Variants in COL4A4 observed in about 807,000 individuals in gnomAD.
The protein encoded by COL4A4 is collagen alpha-4(IV) chain.
A neutral mutation model predicts 192.9 loss-of-function variants in COL4A4; 105 were observed. The observed-to-expected ratio is 0.54, with a 90% CI of 0.46 to 0.64. The LOEUF is 0.64. COL4A4 is among the 30% of genes least tolerant of loss of function. The pLI, the probability that COL4A4 is intolerant of heterozygous loss-of-function variation, is 0.00. For missense variants in COL4A4, 1,967 were observed against 2,169.3 expected (o/e 0.91, Z 1.85); for synonymous variants, 762 against 769.9 (o/e 0.99, Z 0.17).
intron 44 of COL4A4, among the ~76,000 whole-genome samples, chr2:227,013,541 A>C (rs1964260320): frequency 6.6e-6 from 1 of 152,144 alleles, no homozygotes; most frequent in Non-Finnish European, 1.5e-5. Context: ...GGCACAGAGG[A>C]GAGGCCACGT....
At chr2:227,108,738 C>A in intron 11 of COL4A4, 95 bp downstream of exon 11, 1 of 1,526,592 alleles carries the variant, frequency 6.6e-7, no homozygotes, top group South Asian at 1.1e-5. Context: ...TTTGGGAAGT[C>A]TGATAAGAGG....
At chr2:227,043,051 A>G in intron 36 of COL4A4, 26 bp downstream of exon 36, 1 of 1,522,242 alleles carries the variant, frequency 6.6e-7, no homozygotes, top group African/African-American at 1.4e-5. Context: ...GTGCTCAGGA[A>G]GTCTCCAGAT....
At chr2:226,974,895 G>A in the COL4A4 span, among the ~76,000 whole-genome samples, 1 of 152,140 alleles carries the variant, frequency 6.6e-6, no homozygotes, top group African/African-American at 2.4e-5. Context: ...AGATCTTGGT[G>A]CTCCCATTAC....
At chr2:227,080,772 G>A (rs2059283343) in intron 23 of COL4A4, among the ~76,000 whole-genome samples, 1 of 152,192 alleles carries the variant, frequency 6.6e-6, no homozygotes, top group African/African-American at 2.4e-5. Context: ...TCCCATTCCA[G>A]CAAGGAGCTG....
the COL4A4 span, chr2:226,988,787 C>A: frequency 1.2e-6 from 1 of 826,190 alleles, no homozygotes; most frequent in Non-Finnish European, 1.5e-6. Flanking sequence ...AAACTGTTCT[C>A]TATTTTAGAA....
At chr2:227,113,043 A>G (rs1460941989) in intron 8 of COL4A4, among the ~76,000 whole-genome samples, 1 of 152,206 alleles carries the variant, frequency 6.6e-6, no homozygotes, top group Non-Finnish European at 1.5e-5. Flanking sequence ...TATCCATTCA[A>G]GTCCTTGCTT....
At position 227,005,376 on chromosome 2, in the gene COL4A4, AGGAGGG is replaced by A. The variant is rs1961877204; in HGVS notation, c.*1943_*1948del. ...TTCAAGATGAACAGGTTGAACTTTTAGGAGGGTTGACTTTTGGTAATAGATAAAGCT... is the reference window on the plus strand; with the variant it reads ...TTCAAGATGAACAGGTTGAACTTTTATTGACTTTTGGTAATAGATAAAGCT... On this transcript the variant is annotated 3_prime_UTR_variant, in exon 48 of 48. Coordinates refer to ENST00000396625, the MANE Select transcript of COL4A4 (RefSeq NM_000092.5). 1 of 152,214 alleles carries A rather than the reference AGGAGGG, an allele frequency of 6.6e-6. No homozygotes were observed. Among genetic ancestry groups the A allele is most frequent in the Non-Finnish European group, 1.5e-5 (1 of 68,034 alleles). The allele number at this position is 152,214 out of a possible 1,614,324, so 9.4% of individuals were successfully genotyped here.
chr2:227,080,460 C>CT lies in COL4A4; in HGVS notation c.1785dup (p.Gly596ArgfsTer10), dbSNP rs2150505385. The CT allele has an allele frequency of 6.2e-7, 1 of 1,614,100 alleles. No homozygotes were observed. The highest frequency in any genetic ancestry group is 8.5e-7 in the Non-Finnish European group (1 of 1,180,004). On this transcript the variant is annotated frameshift_variant, in exon 24 of 48. Coordinates refer to ENST00000396625, the MANE Select transcript of COL4A4 (RefSeq NM_000092.5). LOFTEE classifies it high-confidence loss of function. ...CTACATACTGGAGGTCCTGGATCCC[C>CT]TTTTTCTCCAGCATGTCCATCCCGA...
At chr2:227,099,508 T>A in intron 18 of COL4A4, 112 bp downstream of exon 18, 1 of 945,748 alleles carries the variant, frequency 1.1e-6, no homozygotes, top group South Asian at 1.3e-5. Flanking sequence ...AGTTCGTGCA[T>A]TCAGCCTGCC....
chr2:227,070,995 A>G (rs908162101), intron 25 of COL4A4, among the ~76,000 whole-genome samples: 1 of 152,142 alleles, frequency 6.6e-6, no homozygotes, highest in Admixed American at 6.6e-5. Context: ...CTATAATACA[A>G]TAACACAATG....
intron 4 of COL4A4, among the ~76,000 whole-genome samples, chr2:227,126,049 G>C (rs370695561): frequency 2.0e-5 from 3 of 152,066 alleles, no homozygotes; most frequent in Non-Finnish European, 4.4e-5. Flanking sequence ...GGACTCAACC[G>C]ATCCAGATGG....
chr2:227,116,673 G>A (rs1048871585), intron 7 of COL4A4, among the ~76,000 whole-genome samples: 6 of 152,348 alleles, frequency 3.9e-5, no homozygotes, highest in African/African-American at 1.4e-4. Context: ...TAATGAGATT[G>A]TTGTCATTTG....
At chr2:227,073,059 G>A (rs1384691736) in intron 25 of COL4A4, among the ~76,000 whole-genome samples, 1 of 152,004 alleles carries the variant, frequency 6.6e-6, no homozygotes, top group Non-Finnish European at 1.5e-5. Context: ...AATTAGGTAA[G>A]AGAAATAAAT....
At chr2:226,972,025 A>G in the COL4A4 span, among the ~76,000 whole-genome samples, 122 of 151,992 alleles carry the variant, frequency 8.0e-4, no homozygotes, top group African/African-American at 2.8e-3. Context: ...CCCGTCATCT[A>G]TGTTTTAAGC....
At chr2:226,995,762 G>C in the COL4A4 span, 3 of 518,328 alleles carry the variant, frequency 5.8e-6, no homozygotes, top group Non-Finnish European at 1.0e-5. Flanking sequence ...CCTCCATGAA[G>C]AGACCAGTTT....
chr2:227,149,797 G>A (rs1406764576), intron 1 of COL4A4, among the ~76,000 whole-genome samples: 1 of 152,164 alleles, frequency 6.6e-6, no homozygotes, highest in Non-Finnish European at 1.5e-5. Context: ...TCCAGAGAGG[G>A]AAGGCCTGAT....
rs762452355 is a variant in COL4A4, at chr2:227,007,570, G to C, written c.4828C>G (p.Gln1610Glu). 1 of 1,612,582 alleles carries C rather than the reference G, an allele frequency of 6.2e-7. No homozygotes were observed. The highest frequency in any genetic ancestry group is 1.1e-5 in the South Asian group (1 of 91,020). The change falls in exon 48 of 48, where the codon CAA (glutamine) becomes GAA (glutamate). Residue 1610 changes from glutamine to glutamate, a missense_variant. Gln to Glu is a conservative substitution (Grantham distance 29, BLOSUM62 2). Transcript: ENST00000396625. ...SFLMHTGAGD[Q>E]GGGQALMSPG... ...GACATAAGGGCCTGCCCTCCTCCTTGGTCCCCAGCTCCTGTGTGCTACCCA... is the reference window on the plus strand; with the variant it reads ...GACATAAGGGCCTGCCCTCCTCCTTCGTCCCCAGCTCCTGTGTGCTACCCA...
At chr2:227,089,996 T>C (rs769087191) in intron 20 of COL4A4, 39 bp from the exon 21 acceptor site, 1 of 1,534,114 alleles carries the variant, frequency 6.5e-7, no homozygotes, top group Non-Finnish European at 9.0e-7. Context: ...GAGAATCACA[T>C]AATTTTTCTG....
In COL4A4 at chr2:227,030,515, C is replaced by A; in HGVS notation, c.3901G>T (p.Gly1301Cys). The change falls in exon 41 of 48, where the codon GGT becomes TGT. Residue 1301 changes from glycine to cysteine, a missense_variant. Physicochemically the swap from Gly to Cys is radical, Grantham distance 159. Transcript: ENST00000396625. ...GGAGGGCCTGGTGGGCCAGGGGGAC[C>A]TGGTGGCCCTGGTAGACCACAGTCA... ...PGDCGLPGPP[G>C]PPGPPGPPGY... The A allele has an allele frequency of 6.2e-7, 1 of 1,614,134 alleles. No individual in the cohort carries two copies. Among genetic ancestry groups the A allele is most frequent in the Non-Finnish European group, 8.5e-7 (1 of 1,179,994 alleles).
Sources: allele counts gnomAD v4.1 joint callset (sites outside exome capture counted in the v4.1 genomes callset), GRCh38; gene constraint gnomAD v4.1.1; transcripts MANE v1.5; gene names NCBI Gene and HGNC (gene_info 2026-07-23, HGNC 2026-07-21).